Variants in CCSER1 observed in about 807,000 individuals in gnomAD.
CCSER1 encodes the protein serine-rich coiled-coil domain-containing protein 1.
CCSER1 carries 41 observed loss-of-function variants against 82.0 expected under a neutral mutation model. The ratio of observed to expected loss-of-function variants is 0.50; its 90% confidence interval spans 0.39 to 0.65. The LOEUF (loss-of-function observed/expected upper bound fraction) is 0.65, where lower values mean the gene tolerates loss of function less well. Ranked by LOEUF, CCSER1 falls within the 30% of genes least tolerant of loss-of-function variation. CCSER1 has a pLI of 0.00. For missense variants in CCSER1, 1,119 were observed against 1,064.2 expected (o/e 1.05, Z -0.72); for synonymous variants, 414 against 383.9 (o/e 1.08, Z -0.92).
chr4:90,698,924 G>GA (rs1737496100), intron 6 of CCSER1, among the ~76,000 whole-genome samples: 7 of 152,150 alleles, frequency 4.6e-5, no homozygotes, highest in Admixed American at 4.6e-4. Flanking sequence ...GGGCAACATA[G>GA]TGGGACTCCA....
chr4:90,670,166 G>A (rs376255215), intron 6 of CCSER1, among the ~76,000 whole-genome samples: 3 of 152,042 alleles, frequency 2.0e-5, no homozygotes, highest in Admixed American at 1.3e-4. Context: ...TTAAAGTCTC[G>A]AATTGAATAC....
In CCSER1 at chr4:90,917,702, T is replaced by C. The variant is rs149108015; in HGVS notation, c.2095-5668T>C. Among the ~76,000 whole-genome samples the C allele has an allele frequency of 8.1e-4, 124 of 152,196 alleles. 4 individuals carry two copies. In the East Asian group the frequency reaches 0.022, roughly 28 times the overall value. On this transcript the variant is annotated intron_variant, in intron 8 of 10. Coordinates refer to ENST00000509176, the MANE Select transcript of CCSER1 (RefSeq NM_001145065.2). ...CAAAAAAATTACATCAGGATTTTATTTTAGTGATTAAAGAAAATAAACACC... is the reference window on the plus strand; with the variant it reads ...CAAAAAAATTACATCAGGATTTTATCTTAGTGATTAAAGAAAATAAACACC...
chr4:91,058,226 C>T (rs1275697373), intron 9 of CCSER1, among the ~76,000 whole-genome samples: 2 of 151,876 alleles, frequency 1.3e-5, no homozygotes. Context: ...TCCATGTGTT[C>T]TCATCATTTG....
chr4:90,917,561 T>G (rs1179277790), intron 8 of CCSER1, among the ~76,000 whole-genome samples: 1 of 151,992 alleles, frequency 6.6e-6, no homozygotes, highest in East Asian at 1.9e-4. Flanking sequence ...TACCTAATGT[T>G]AAATGACCAG....
chr4:91,220,233 T>G (rs1435214805), intron 10 of CCSER1, among the ~76,000 whole-genome samples: 1 of 152,194 alleles, frequency 6.6e-6, no homozygotes, highest in African/African-American at 2.4e-5. Flanking sequence ...ACTGTCTTTT[T>G]AAATGTCATA....
At chr4:91,354,569 A>G (rs1028594720) in intron 10 of CCSER1, among the ~76,000 whole-genome samples, 1 of 152,252 alleles carries the variant, frequency 6.6e-6, no homozygotes, top group Non-Finnish European at 1.5e-5. Context: ...TGGTACCATT[A>G]TACAGCTTTT....
chr4:91,036,906 C>T lies in CCSER1; in HGVS notation c.2173-49044C>T, dbSNP rs747880074. 2.0e-4 allele frequency among the ~76,000 whole-genome samples: 30 copies of T among 151,724 alleles called. No homozygotes were observed. In the East Asian group the frequency reaches 4.3e-3, roughly 22 times the overall value. On this transcript the variant is annotated intron_variant, in intron 9 of 10. Coordinates refer to ENST00000509176, the MANE Select transcript of CCSER1 (RefSeq NM_001145065.2). Reference sequence around the variant, plus strand: ...CCAGTCTGGCCAACATGGTGAAACCCGTGTCTACTAAAAATACAAAAATTA... The same window carrying T: ...CCAGTCTGGCCAACATGGTGAAACCTGTGTCTACTAAAAATACAAAAATTA...
intron 10 of CCSER1, among the ~76,000 whole-genome samples, chr4:91,448,625 G>T (rs115480739): frequency 1.3e-3 from 199 of 151,874 alleles, no homozygotes; most frequent in Non-Finnish European, 1.7e-3. Flanking sequence ...ATAATTTGGC[G>T]TTTTACCATA....
intron 5 of CCSER1, among the ~76,000 whole-genome samples, chr4:90,538,281 T>G (rs2153634497): frequency 6.6e-6 from 1 of 152,252 alleles, no homozygotes; most frequent in East Asian, 1.9e-4. Context: ...TTATGCAGTT[T>G]TGATATTCTC....
chr4:90,933,182 T>TGA (rs1297113232), intron 9 of CCSER1, among the ~76,000 whole-genome samples: 3 of 90,800 alleles, frequency 3.3e-5, no homozygotes, highest in Middle Eastern at 5.3e-3. Flanking sequence ...TGTGTGTGTG[T>TGA]GATTTTATTT....
At chr4:90,158,628 A>T (rs1242201228) in intron 1 of CCSER1, among the ~76,000 whole-genome samples, 1 of 152,158 alleles carries the variant, frequency 6.6e-6, no homozygotes, top group Non-Finnish European at 1.5e-5. Context: ...GTTTGATCTC[A>T]GACTGCTGTG....
At chr4:91,589,952 T>C (rs1305729300) in intron 10 of CCSER1, among the ~76,000 whole-genome samples, 1 of 152,022 alleles carries the variant, frequency 6.6e-6, no homozygotes, top group African/African-American at 2.4e-5. Flanking sequence ...GACAACTTAC[T>C]GTTCTACAAG....
intron 10 of CCSER1, among the ~76,000 whole-genome samples, chr4:91,322,257 C>A (rs1399728585): frequency 6.6e-6 from 1 of 152,018 alleles, no homozygotes; most frequent in Non-Finnish European, 1.5e-5. Flanking sequence ...ACTGATCTGT[C>A]CCTTGACAGA....
At chr4:90,128,383 G>T (rs1722192034) in intron 1 of CCSER1, among the ~76,000 whole-genome samples, 1 of 152,220 alleles carries the variant, frequency 6.6e-6, no homozygotes, top group Non-Finnish European at 1.5e-5. Flanking sequence ...GTCCTCTGGC[G>T]CCAGTTTCCT....
At chr4:90,895,693 A>G (rs1386168482) in intron 8 of CCSER1, among the ~76,000 whole-genome samples, 2 of 151,898 alleles carry the variant, frequency 1.3e-5, no homozygotes, top group Non-Finnish European at 2.9e-5. Context: ...GTGAAGTATA[A>G]TAAAAAATAA....
intron 5 of CCSER1, among the ~76,000 whole-genome samples, chr4:90,528,741 G>T (rs572444930): frequency 6.6e-6 from 1 of 152,122 alleles, no homozygotes; most frequent in Non-Finnish European, 1.5e-5. Flanking sequence ...TTTTATCTGT[G>T]CATCTAAATG....
intron 4 of CCSER1, among the ~76,000 whole-genome samples, chr4:90,453,903 A>G (rs1473295739): frequency 1.3e-5 from 2 of 152,164 alleles, no homozygotes; most frequent in Non-Finnish European, 2.9e-5. Flanking sequence ...AACTTTCAGA[A>G]TCACCCTGGG....
chr4:90,912,478 C>A (rs1294062155), intron 8 of CCSER1, among the ~76,000 whole-genome samples: 1 of 152,092 alleles, frequency 6.6e-6, no homozygotes, highest in Admixed American at 6.6e-5. Flanking sequence ...CACACCAAAA[C>A]CCCATCTATA....
At position 90,168,236 on chromosome 4, in the gene CCSER1, C is replaced by T. The variant is rs1422095473; in HGVS notation, c.-42+40405C>T. On this transcript the variant is annotated intron_variant, in intron 1 of 10. Coordinates refer to ENST00000509176, the MANE Select transcript of CCSER1 (RefSeq NM_001145065.2). ...TTCTCTGATGGCCAGTGATGATGAG[C>T]ATTATTTCATGTGTCTTTTGGCTGC... Among the ~76,000 whole-genome samples the T allele has an allele frequency of 3.3e-5, 5 of 152,234 alleles. No individual in the cohort carries two copies. In the East Asian group the frequency reaches 9.7e-4, roughly 29 times the overall value.
Sources: allele counts gnomAD v4.1 joint callset (sites outside exome capture counted in the v4.1 genomes callset), GRCh38; gene constraint gnomAD v4.1.1; transcripts MANE v1.5; gene names NCBI Gene and HGNC (gene_info 2026-07-23, HGNC 2026-07-21).